Variants in SGIP1 observed in about 807,000 individuals in gnomAD.
The protein encoded by SGIP1 is SH3GL interacting endocytic adaptor 1.
SGIP1 carries 38 observed loss-of-function variants against 107.5 expected under a neutral mutation model. That is an observed-to-expected ratio of 0.35 (90% CI 0.27 to 0.46). The LOEUF is 0.46. SGIP1 is among the 20% of genes least tolerant of loss of function. The pLI is 1.00. For missense variants in SGIP1, 929 were observed against 1,019.5 expected, an observed-to-expected ratio of 0.91 and a Z score of 1.21; for synonymous variants, 365 against 366.1, an observed-to-expected ratio of 1.00 and a Z score of 0.03.
intron 1 of SGIP1, among the ~76,000 whole-genome samples, chr1:66,589,163 CATATATATATATATAT>C (rs55788345): frequency 0.052 from 3,632 of 69,580 alleles, 116 homozygotes; most frequent in Admixed American, 0.094. Flanking sequence ...TAAAAGTTTA[CATATATATATATATAT>C]ATATATATAT....
At chr1:66,620,694 T>A (rs1252661324) in intron 1 of SGIP1, among the ~76,000 whole-genome samples, 1 of 152,128 alleles carries the variant, frequency 6.6e-6, no homozygotes. Context: ...GGATTACAAT[T>A]CCAGATGTGA....
rs540575086 is a variant in SGIP1 at position 66,610,038 on chromosome 1, G to C, written c.11-15809G>C. On this transcript the variant is annotated intron_variant, in intron 1 of 24. Transcript: ENST00000371037. ...ACTTAACAGAAAATTTAATCAAAACGCTGAGCCAAATTTCAGCTAAAAAGT... is the reference window on the plus strand; with the variant it reads ...ACTTAACAGAAAATTTAATCAAAACCCTGAGCCAAATTTCAGCTAAAAAGT... Among the ~76,000 whole-genome samples the C allele has an allele frequency of 8.5e-5, 13 of 152,066 alleles. No individual in the cohort carries two copies. In the East Asian group the frequency reaches 2.3e-3, roughly 27 times the overall value.
chr1:66,735,998 A>G (rs1343517339), intron 21 of SGIP1, among the ~76,000 whole-genome samples: 2 of 151,206 alleles, frequency 1.3e-5, no homozygotes. Flanking sequence ...AAATCAGGAC[A>G]TCTCAAACTT....
At chr1:66,544,498 C>T (rs188945142) in intron 1 of SGIP1, among the ~76,000 whole-genome samples, 80 of 152,240 alleles carry the variant, frequency 5.3e-4, no homozygotes, top group African/African-American at 1.9e-3. Context: ...ACCAGGCTGG[C>T]CAACATGGCG....
chr1:66,662,168 G>A (rs10889640), intron 8 of SGIP1, among the ~76,000 whole-genome samples: 55,555 of 151,982 alleles, frequency 0.37, 10,686 homozygotes, highest in African/African-American at 0.48. Context: ...AGGAATCCTC[G>A]TAGGAATCTT....
Position 66,745,184 on chromosome 1 carries a change from A to C in SGIP1, c.*2089A>C, listed in dbSNP as rs2094536172. The C allele has an allele frequency of 6.6e-6, 1 of 152,004 alleles. No homozygotes were observed. The highest frequency in any genetic ancestry group is 2.4e-5 in the African/African-American group (1 of 41,454). The allele number at this position is 152,004 out of a possible 1,614,324, so 9.4% of individuals were successfully genotyped here. A position where few individuals can be genotyped will look rare whatever the true frequency, so the allele number is the denominator to read the frequency against. On this transcript the variant is annotated 3_prime_UTR_variant, in exon 25 of 25. Transcript: ENST00000371037. The stretch of plus-strand genomic sequence containing the variant: ...AACACAAGGGTTTTTTTCCCAAAAA[A>C]TAATTTTACTGATTTTTAAAAATTT...
intron 22 of SGIP1, 72 bp from the exon 23 acceptor site, chr1:66,740,586 G>GAA: frequency 1.1e-6 from 1 of 933,794 alleles, no homozygotes; most frequent in Non-Finnish European, 1.7e-6. Context: ...ATACTATCTG[G>GAA]AAAAAAAACA....
At chr1:66,611,907 T>A (rs1267713542) in intron 1 of SGIP1, among the ~76,000 whole-genome samples, 1 of 152,234 alleles carries the variant, frequency 6.6e-6, no homozygotes, top group East Asian at 1.9e-4. Flanking sequence ...CTAGATTGTC[T>A]TGATAGATTA....
intron 1 of SGIP1, among the ~76,000 whole-genome samples, chr1:66,561,792 C>T (rs964995054): frequency 6.6e-6 from 1 of 151,906 alleles, no homozygotes; most frequent in Admixed American, 6.6e-5. Context: ...ATAGCAGAGG[C>T]CTTTTATTCA....
intron 15 of SGIP1, among the ~76,000 whole-genome samples, chr1:66,683,283 G>C (rs184749018): frequency 7.2e-5 from 11 of 152,302 alleles, no homozygotes; most frequent in Admixed American, 7.2e-4. Flanking sequence ...TGTGGGTTCA[G>C]TTTAGGGGCC....
intron 5 of SGIP1, among the ~76,000 whole-genome samples, chr1:66,641,115 A>G (rs2076708798): frequency 6.6e-6 from 1 of 152,110 alleles, no homozygotes; most frequent in African/African-American, 2.4e-5. Flanking sequence ...TGGAAGAAGT[A>G]GGTCAAAGAG....
At chr1:66,742,746 G>A (rs935777344) in intron 24 of SGIP1, among the ~76,000 whole-genome samples, 7 of 151,934 alleles carry the variant, frequency 4.6e-5, no homozygotes, top group African/African-American at 1.7e-4. Context: ...TGGGATTACA[G>A]GCGTGAGCCA....
intron 19 of SGIP1, among the ~76,000 whole-genome samples, chr1:66,725,986 G>C (rs1367718599): frequency 6.6e-6 from 1 of 152,200 alleles, no homozygotes; most frequent in Non-Finnish European, 1.5e-5. Context: ...GGGCATTGTG[G>C]CAGCCCAGCC....
At chr1:66,574,045 C>T (rs186192165) in intron 1 of SGIP1, among the ~76,000 whole-genome samples, 2 of 152,228 alleles carry the variant, frequency 1.3e-5, no homozygotes, top group African/African-American at 4.8e-5. Context: ...TTCACACTAG[C>T]ACATTTGTTT....
At chr1:66,717,531 T>A (rs2093313948) in intron 18 of SGIP1, among the ~76,000 whole-genome samples, 1 of 152,152 alleles carries the variant, frequency 6.6e-6, no homozygotes, top group Non-Finnish European at 1.5e-5. Context: ...CTTTTAAAAT[T>A]TAGAGCTCCG....
chr1:66,669,118 T>C (rs76442551), intron 9 of SGIP1, among the ~76,000 whole-genome samples: 2,453 of 152,370 alleles, frequency 0.016, 22 homozygotes, highest in Non-Finnish European at 0.026. Flanking sequence ...TTCTTCCTAA[T>C]TTCTAAACAA....
At position 66,635,990 on chromosome 1, in the gene SGIP1, C is replaced by A; in HGVS notation, c.146C>A (p.Ala49Glu). 1.2e-6 allele frequency: 2 copies of A among 1,613,514 alleles called. No individual in the cohort carries two copies. The highest frequency in any genetic ancestry group is 1.7e-6 in the Non-Finnish European group (2 of 1,179,792). Reference sequence around the variant, plus strand: ...CCCTACAATAGCAAAGCAGAGTGTGCGCGTGAAGGAGGAAAAAAAGTTTCG... The same window carrying A: ...CCCTACAATAGCAAAGCAGAGTGTGAGCGTGAAGGAGGAAAAAAAGTTTCG... ...EPPYNSKAEC[A>E]REGGKKVSKK... Residue 49 changes from alanine (A) to glutamate (E), a missense_variant, in exon 4 of 25, where the codon GCG (alanine) becomes GAG (glutamate). Physicochemically the swap from Ala to Glu is moderately radical, Grantham distance 107. This residue lies in a region of SGIP1 where 588 missense variants were observed against 588.6 expected (regional missense o/e 1.00). Coordinates refer to ENST00000371037, the MANE Select transcript of SGIP1 (RefSeq NM_032291.4).
chr1:66,617,846 C>A (rs1041256793), intron 1 of SGIP1, among the ~76,000 whole-genome samples: 4 of 152,072 alleles, frequency 2.6e-5, no homozygotes, highest in Non-Finnish European at 4.4e-5. Context: ...TCAAAAAAAT[C>A]GCATTCTTGT....
intron 1 of SGIP1, among the ~76,000 whole-genome samples, chr1:66,587,230 T>G (rs1480407294): frequency 6.6e-6 from 1 of 152,122 alleles, no homozygotes; most frequent in African/African-American, 2.4e-5. Context: ...TTGTGTATCT[T>G]GACAAATGTA....
Sources: allele counts gnomAD v4.1 joint callset (sites outside exome capture counted in the v4.1 genomes callset), GRCh38; gene constraint gnomAD v4.1.1; regional missense constraint gnomAD v4.1.1; transcripts MANE v1.5; gene names NCBI Gene and HGNC (gene_info 2026-07-23, HGNC 2026-07-21).